The following TMEM178B variants were observed in gnomAD, a reference collection of about 807,000 sequenced individuals.
The protein encoded by TMEM178B is transmembrane protein 178B.
In TMEM178B, 5 loss-of-function variants were observed where a neutral mutation model predicts 31.0. That is an observed-to-expected ratio of 0.16 (90% CI 0.08 to 0.34). The LOEUF is 0.34. Ranked by LOEUF, TMEM178B falls within the 10% of genes least tolerant of loss-of-function variation. The pLI, the probability that TMEM178B is intolerant of heterozygous loss-of-function variation, is 1.00. For synonymous variants in TMEM178B, 164 were observed against 164.0 expected (o/e 1.00, Z 0.00); for missense variants, 275 against 400.3 (o/e 0.69, Z 2.67).
chr7:141,252,256 C>T (rs1237658527), intron 2 of TMEM178B, among the ~76,000 whole-genome samples: 2 of 152,114 alleles, frequency 1.3e-5, no homozygotes, highest in Admixed American at 6.6e-5. Flanking sequence ...GGGACCCTTG[C>T]GATAGGAGAG....
intron 2 of TMEM178B, among the ~76,000 whole-genome samples, chr7:141,252,446 T>G (rs1186203263): frequency 6.6e-6 from 1 of 152,228 alleles, no homozygotes; most frequent in East Asian, 1.9e-4. Context: ...TTCTGAACTC[T>G]TCGATAACCC....
At chr7:141,317,468 T>C (rs571986144) in intron 2 of TMEM178B, among the ~76,000 whole-genome samples, 1 of 152,304 alleles carries the variant, frequency 6.6e-6, no homozygotes, top group African/African-American at 2.4e-5. Flanking sequence ...AGGCTGAGGC[T>C]ATGTCTTTAA....
At chr7:141,393,449 A>G (rs1281272443) in intron 2 of TMEM178B, among the ~76,000 whole-genome samples, 1 of 152,198 alleles carries the variant, frequency 6.6e-6, no homozygotes, top group Non-Finnish European at 1.5e-5. Flanking sequence ...GAGAGATCAA[A>G]GAGGAAGGAA....
At position 141,096,961 on chromosome 7, in the gene TMEM178B, G is replaced by A. The variant is rs558223206; in HGVS notation, c.382+22269G>A. Among the ~76,000 whole-genome samples, 20 of 152,070 alleles carry A rather than the reference G, an allele frequency of 1.3e-4. No homozygotes were observed. The South Asian group carries it at 2.5e-3, about 19-fold the overall frequency. On this transcript the variant is annotated intron_variant, in intron 1 of 3. Transcript: ENST00000565468. ...AAAAGTTAACTGGGCATGGTGGCACGTGCCTGTAGTCCCAGCTACTCAGGA... is the reference window on the plus strand; with the variant it reads ...AAAAGTTAACTGGGCATGGTGGCACATGCCTGTAGTCCCAGCTACTCAGGA...
chr7:141,444,206 T>C (rs1306883391), intron 3 of TMEM178B, among the ~76,000 whole-genome samples: 1 of 152,230 alleles, frequency 6.6e-6, no homozygotes, highest in African/African-American at 2.4e-5. Flanking sequence ...TCTGGATTTG[T>C]TCACTGTCTC....
intron 2 of TMEM178B, among the ~76,000 whole-genome samples, chr7:141,215,018 C>T (rs535542388): frequency 1.3e-5 from 2 of 152,148 alleles, no homozygotes; most frequent in African/African-American, 4.8e-5. Flanking sequence ...AGCCAGAGGG[C>T]AGGTGAGCAT....
chr7:141,348,880 T>C (rs1444391795), intron 2 of TMEM178B, among the ~76,000 whole-genome samples: 3 of 152,172 alleles, frequency 2.0e-5, no homozygotes, highest in African/African-American at 7.2e-5. Context: ...GCTGTCAGCA[T>C]CCTGTTGAGA....
rs1424052705 is a variant in TMEM178B, at chr7:141,074,278, A to G, written c.-33A>G. On this transcript the variant is annotated 5_prime_UTR_variant, in exon 1 of 4. Transcript: ENST00000565468. This position sits in a 1 kb window ranked among gnomAD's most constrained non-coding sequence, Gnocchi z 5.1. The stretch of plus-strand genomic sequence containing the variant: ...GCGAGGGAAGGCGAGGCTGCGGCGG[A>G]TCATGCCCATGGTGTAGCCGCCAAG... 6.8e-7 allele frequency: 1 copy of G among 1,477,978 alleles called. No individual in the cohort carries two copies. The highest frequency in any genetic ancestry group is 9.0e-7 in the Non-Finnish European group (1 of 1,116,170). The allele number at this position is 1,477,978 out of a possible 1,614,324, so 91.6% of individuals were successfully genotyped here.
At chr7:141,462,310 G>A (rs1802072020) in intron 3 of TMEM178B, among the ~76,000 whole-genome samples, 1 of 152,168 alleles carries the variant, frequency 6.6e-6, no homozygotes, top group Non-Finnish European at 1.5e-5. Context: ...GGAAATTTGG[G>A]CTTATGGAGG....
chr7:141,159,683 C>A (rs138592711), intron 1 of TMEM178B, among the ~76,000 whole-genome samples: 2 of 151,968 alleles, frequency 1.3e-5, no homozygotes, highest in Non-Finnish European at 2.9e-5. Context: ...TCATGCCAAG[C>A]GAAGTAAGCC....
chr7:141,383,525 A>G (rs1001568429), intron 2 of TMEM178B, among the ~76,000 whole-genome samples: 1 of 152,172 alleles, frequency 6.6e-6, no homozygotes, highest in Non-Finnish European at 1.5e-5. Context: ...AGCTTCATTC[A>G]TGTCCCTACA....
chr7:141,447,908 T>C lies in TMEM178B; in HGVS notation c.634+10163T>C, dbSNP rs1801790859. Among the ~76,000 whole-genome samples, 3 of 152,206 alleles carry C rather than the reference T, an allele frequency of 2.0e-5. No individual in the cohort carries two copies. In the South Asian group the frequency reaches 6.2e-4, roughly 32 times the overall value. ...GGATCCAAGCAAGTGGGCGACTGCA[T>C]AGATCACATGCCCATGAAGCCAGTT... On this transcript the variant is annotated intron_variant, in intron 3 of 3. Coordinates refer to ENST00000565468, the MANE Select transcript of TMEM178B (RefSeq NM_001195278.2).
chr7:141,490,795 A>G, the TMEM178B span, among the ~76,000 whole-genome samples: 1 of 152,182 alleles, frequency 6.6e-6, no homozygotes, highest in Non-Finnish European at 1.5e-5. Context: ...CGTTTACTGA[A>G]CCCTTGCTAG....
chr7:141,507,088 C>A, the TMEM178B span, among the ~76,000 whole-genome samples: 1 of 152,326 alleles, frequency 6.6e-6, no homozygotes, highest in African/African-American at 2.4e-5. Flanking sequence ...CAGCCTCCCT[C>A]CCAGCTGCTT....
At chr7:141,164,683 A>G (rs1796232178) in intron 1 of TMEM178B, among the ~76,000 whole-genome samples, 1 of 152,258 alleles carries the variant, frequency 6.6e-6, no homozygotes, top group Admixed American at 6.5e-5. Flanking sequence ...TGCATTTGAC[A>G]GGAAACCCCC....
the TMEM178B span, among the ~76,000 whole-genome samples, chr7:141,490,278 T>C: frequency 1.3e-5 from 2 of 152,236 alleles, no homozygotes; most frequent in Non-Finnish European, 2.9e-5. Flanking sequence ...TGTGACCTTA[T>C]TTGGAAATAC....
the TMEM178B span, among the ~76,000 whole-genome samples, chr7:141,499,058 C>T: frequency 2.0e-5 from 3 of 152,282 alleles, no homozygotes; most frequent in South Asian, 2.1e-4. Context: ...AGCCACCATA[C>T]GCATGCACCA....
chr7:141,401,098 G>A (rs2116619168), intron 2 of TMEM178B, among the ~76,000 whole-genome samples: 1 of 152,272 alleles, frequency 6.6e-6, no homozygotes, highest in East Asian at 1.9e-4. Context: ...TAGCCTGGGA[G>A]CCTCTTCTTC....
At chr7:141,177,269 A>T (rs1300562125) in intron 1 of TMEM178B, among the ~76,000 whole-genome samples, 2 of 152,166 alleles carry the variant, frequency 1.3e-5, no homozygotes, top group Non-Finnish European at 2.9e-5. Context: ...TGAGTTTCTT[A>T]ATCCTGAGTT....
Sources: allele counts gnomAD v4.1 joint callset (sites outside exome capture counted in the v4.1 genomes callset), GRCh38; gene constraint gnomAD v4.1.1; non-coding constraint Gnocchi (gnomAD v3.1); transcripts MANE v1.5; gene names NCBI Gene and HGNC (gene_info 2026-07-23, HGNC 2026-07-21).